USP47: variants seen among roughly 807,000 people sequenced by gnomAD.
The protein encoded by USP47 is ubiquitin carboxyl-terminal hydrolase 47.
USP47 carries 35 observed loss-of-function variants against 165.1 expected under a neutral mutation model. The ratio of observed to expected loss-of-function variants is 0.21; its 90% CI spans 0.16 to 0.28. The LOEUF (loss-of-function observed/expected upper bound fraction) is 0.28. Among genes scored for constraint, USP47 ranks in the 10% least tolerant of loss-of-function variants. The pLI is 1.00. For synonymous variants in USP47, 531 were observed against 544.5 expected (o/e 0.98, Z 0.35); for missense variants, 1,277 against 1,607.4 (o/e 0.79, Z 3.52).
chr11:11,956,313 A>T lies in USP47; in HGVS notation c.*138A>T. 2 of 787,156 alleles carry T rather than the reference A, an allele frequency of 2.5e-6. No individual in the cohort carries two copies. The highest frequency in any genetic ancestry group is 2.2e-5 in the South Asian group (1 of 45,682). The allele number at this position is 787,156 out of a possible 1,614,324, so 48.8% of individuals were successfully genotyped here. A position where few individuals can be genotyped will look rare whatever the true frequency, so the allele number is the denominator to read the frequency against. ...GCACTGATTGGACTGCCCTACACCA[A>T]TCAGAAGCTCAGTGCCCAATGGGCC... is the stretch of plus-strand genomic sequence containing the variant. On this transcript the variant is annotated 3_prime_UTR_variant, in exon 28 of 28. Coordinates refer to ENST00000527733, the MANE Select transcript of USP47 (RefSeq NM_001282659.2).
chr11:11,927,567 T>C (rs1305394900), intron 11 of USP47, among the ~76,000 whole-genome samples: 1 of 152,154 alleles, frequency 6.6e-6, no homozygotes, highest in African/African-American at 2.4e-5. Flanking sequence ...TTTTAGTTCT[T>C]ACTTTGCTAT....
intron 13 of USP47, 57 bp downstream of exon 13, chr11:11,930,177 G>C: frequency 6.8e-7 from 1 of 1,479,892 alleles, no homozygotes; most frequent in Non-Finnish European, 9.4e-7. Flanking sequence ...TAGCTTCTCA[G>C]TGTTTTTTTA....
chr11:11,867,682 G>T (rs1163798180), intron 1 of USP47, among the ~76,000 whole-genome samples: 1 of 151,996 alleles, frequency 6.6e-6, no homozygotes, highest in Non-Finnish European at 1.5e-5. Flanking sequence ...TCTCTTTAAT[G>T]GTACCATGTT....
At chr11:11,881,026 A>C (rs1239230517) in intron 2 of USP47, among the ~76,000 whole-genome samples, 1 of 151,970 alleles carries the variant, frequency 6.6e-6, no homozygotes, top group Non-Finnish European at 1.5e-5. Flanking sequence ...CTGTTTCCTT[A>C]ATTATTTATC....
intron 4 of USP47, among the ~76,000 whole-genome samples, chr11:11,893,563 A>G (rs1400289966): frequency 6.6e-6 from 1 of 152,132 alleles, no homozygotes; most frequent in Non-Finnish European, 1.5e-5. Flanking sequence ...CAGCCTCCCA[A>G]GTAGCTAGGA....
chr11:11,881,815 T>C (rs550511427), intron 2 of USP47, among the ~76,000 whole-genome samples: 12 of 152,280 alleles, frequency 7.9e-5, no homozygotes, highest in Admixed American at 5.2e-4. Flanking sequence ...ATTCCATTCA[T>C]GAGGGCTCCA....
chr11:11,916,892 G>A (rs1479306393), intron 8 of USP47, among the ~76,000 whole-genome samples: 2 of 152,158 alleles, frequency 1.3e-5, no homozygotes, highest in Non-Finnish European at 1.5e-5. Context: ...GCTCATGCCT[G>A]TAATTCCAGC....
At chr11:11,909,305 T>C (rs898036856) in intron 8 of USP47, among the ~76,000 whole-genome samples, 6 of 152,192 alleles carry the variant, frequency 3.9e-5, no homozygotes, top group African/African-American at 1.2e-4. Context: ...TAATGACTTA[T>C]TAGATAGTTA....
intron 1 of USP47, among the ~76,000 whole-genome samples, chr11:11,851,433 A>C (rs1848721750): frequency 6.6e-6 from 1 of 152,170 alleles, no homozygotes; most frequent in Non-Finnish European, 1.5e-5. Context: ...AAGTGTCTGA[A>C]ACTTCCAGTT....
chr11:11,925,677 T>G (rs1854189649), intron 11 of USP47, among the ~76,000 whole-genome samples: 1 of 152,034 alleles, frequency 6.6e-6, no homozygotes, highest in Non-Finnish European at 1.5e-5. Flanking sequence ...CATACAAGAT[T>G]GTCATCAGTG....
intron 1 of USP47, among the ~76,000 whole-genome samples, chr11:11,855,677 A>G (rs1848999021): frequency 6.6e-6 from 1 of 152,194 alleles, no homozygotes; most frequent in South Asian, 2.1e-4. Flanking sequence ...AGTACAACCA[A>G]AGCATTCTAG....
chr11:11,866,404 A>G (rs1326713691), intron 1 of USP47, among the ~76,000 whole-genome samples: 2 of 152,206 alleles, frequency 1.3e-5, no homozygotes, highest in African/African-American at 2.4e-5. Flanking sequence ...TCAGATAAGC[A>G]AAGTCTGTCT....
intron 8 of USP47, among the ~76,000 whole-genome samples, chr11:11,912,292 G>A (rs1853055490): frequency 6.6e-6 from 1 of 151,830 alleles, no homozygotes; most frequent in Non-Finnish European, 1.5e-5. Flanking sequence ...CTGGCTCTTT[G>A]AAAAGACAAT....
chr11:11,921,799 G>T (rs1043787493), intron 10 of USP47, among the ~76,000 whole-genome samples: 1 of 151,848 alleles, frequency 6.6e-6, no homozygotes, highest in Admixed American at 6.6e-5. Flanking sequence ...CTTGGGACAA[G>T]AAATGTTTTG....
intron 4 of USP47, 99 bp downstream of exon 4, chr11:11,892,205 T>A: frequency 7.4e-7 from 1 of 1,347,610 alleles, no homozygotes; most frequent in East Asian, 2.4e-5. Context: ...ATAAGAAAAC[T>A]GAGACCTAGA....
intron 1 of USP47, among the ~76,000 whole-genome samples, chr11:11,846,260 A>G (rs746100418): frequency 4.6e-5 from 7 of 152,104 alleles, no homozygotes; most frequent in Admixed American, 2.0e-4. Flanking sequence ...TTTTCTTATA[A>G]GGATGTGTGT....
intron 11 of USP47, among the ~76,000 whole-genome samples, chr11:11,924,698 G>T (rs1279906393): frequency 2.6e-5 from 4 of 152,156 alleles, no homozygotes; most frequent in Non-Finnish European, 5.9e-5. Flanking sequence ...TGATTTTTAA[G>T]AAGTTGGTCT....
At chr11:11,955,192 T>G in intron 27 of USP47, 28 bp downstream of exon 27, 13 of 1,602,038 alleles carry the variant, frequency 8.1e-6, no homozygotes, top group Non-Finnish European at 1.1e-5. Flanking sequence ...TTTGTTGCTG[T>G]TAGTAATACA....
chr11:11,905,428 C>T lies in USP47; in HGVS notation c.849C>T (p.Gly283=). 6.3e-7 allele frequency: 1 copy of T among 1,593,922 alleles called. No individual in the cohort carries two copies. The highest frequency in any genetic ancestry group is 1.3e-5 in the African/African-American group (1 of 74,464). Residue 283 remains glycine (G), a synonymous_variant, in exon 8 of 28, where the codon GGC becomes GGT. Transcript: ENST00000527733. Reference sequence around the variant, plus strand: ...ATCTTATAAATGAGCTATATCAAGGCAAGCTGAAGGACTACGTGAGATGTC... The same window carrying T: ...ATCTTATAAATGAGCTATATCAAGGTAAGCTGAAGGACTACGTGAGATGTC... ...QADLINELYQ[G]KLKDYVRCLE...
Sources: allele counts gnomAD v4.1 joint callset (sites outside exome capture counted in the v4.1 genomes callset), GRCh38; gene constraint gnomAD v4.1.1; transcripts MANE v1.5; gene names NCBI Gene and HGNC (gene_info 2026-07-23, HGNC 2026-07-21).